The following UBR1 variants were observed in gnomAD, a reference collection of about 807,000 sequenced individuals.
UBR1 encodes the protein E3 ubiquitin-protein ligase UBR1.
A neutral mutation model predicts 242.1 loss-of-function variants in UBR1; 102 were observed. The ratio of observed to expected loss-of-function variants is 0.42; its 90% CI spans 0.36 to 0.50. The LOEUF (loss-of-function observed/expected upper bound fraction) is 0.50. UBR1 is among the 20% of genes least tolerant of loss of function. The probability of loss-of-function intolerance (pLI) is 0.01; values close to 1 mark genes in which losing one functional copy is unlikely to be tolerated. For missense variants in UBR1, 1,772 were observed against 2,101.8 expected, an observed-to-expected ratio of 0.84 and a Z score of 3.07; for synonymous variants, 675 against 684.8, an observed-to-expected ratio of 0.99 and a Z score of 0.22.
chr15:43,054,944 T>C (rs2033598918), intron 11 of UBR1, 45 bp from the exon 12 acceptor site: 2 of 1,597,384 alleles, frequency 1.3e-6, no homozygotes, highest in Non-Finnish European at 1.7e-6. Context: ...TAACTCATTG[T>C]GGTATGGACT....
chr15:43,091,956 C>G, intron 1 of UBR1: 1 of 410,580 alleles, frequency 2.4e-6, no homozygotes, highest in South Asian at 1.7e-5. Context: ...TGCGGTGGCA[C>G]ATACCTGTGG....
chr15:42,967,241 T>A (rs916254887), intron 40 of UBR1, among the ~76,000 whole-genome samples: 2 of 148,980 alleles, frequency 1.3e-5, no homozygotes, highest in African/African-American at 4.9e-5. Flanking sequence ...TTTTTTTTTT[T>A]AAATAGAGAC....
chr15:43,037,207 G>A (rs2033348560), intron 17 of UBR1, among the ~76,000 whole-genome samples: 2 of 151,780 alleles, frequency 1.3e-5, no homozygotes, highest in African/African-American at 4.8e-5. Context: ...AATTAGCCGG[G>A]CATAGTGGTG....
chr15:43,048,289 A>G (rs2141327278), intron 13 of UBR1, 103 bp downstream of exon 13: 1 of 830,016 alleles, frequency 1.2e-6, no homozygotes, highest in East Asian at 2.7e-5. Context: ...ACTTTGCTAG[A>G]TAAATTCTTT....
At chr15:43,048,023 C>T (rs1464373714) in intron 13 of UBR1, among the ~76,000 whole-genome samples, 2 of 151,968 alleles carry the variant, frequency 1.3e-5, no homozygotes, top group Non-Finnish European at 2.9e-5. Context: ...CCCACCTCTA[C>T]TAAAAATACA....
At chr15:42,965,257 T>C (rs2032086716) in intron 41 of UBR1, among the ~76,000 whole-genome samples, 1 of 152,148 alleles carries the variant, frequency 6.6e-6, no homozygotes, top group Admixed American at 6.5e-5. Flanking sequence ...AAAGGAAGAA[T>C]CTCAGCAATT....
intron 40 of UBR1, 100 bp from the exon 41 acceptor site, chr15:42,966,386 G>T: frequency 6.7e-7 from 1 of 1,483,482 alleles, no homozygotes; most frequent in Non-Finnish European, 9.3e-7. Context: ...AAACATTTAG[G>T]TAATTTATTA....
intron 35 of UBR1, among the ~76,000 whole-genome samples, chr15:42,986,393 C>A (rs1157249977): frequency 1.3e-5 from 2 of 152,154 alleles, no homozygotes; most frequent in African/African-American, 4.8e-5. Flanking sequence ...AAAGATTCAG[C>A]TCTATCAGCA....
intron 20 of UBR1, 87 bp from the exon 21 acceptor site, chr15:43,030,155 A>C (rs2033235781): frequency 7.1e-7 from 1 of 1,413,430 alleles, no homozygotes; most frequent in African/African-American, 1.4e-5. Context: ...TACACACAGA[A>C]CACTGCATTA....
chr15:42,987,711 CAAAAAAAAAA>C (rs35169116), intron 35 of UBR1, among the ~76,000 whole-genome samples: 1 of 54,656 alleles, frequency 1.8e-5, no homozygotes, highest in East Asian at 6.1e-4. Flanking sequence ...GACTCTGTCT[CAAAAAAAAAA>C]AAAAAAAAAA....
chr15:42,977,943 A>G lies in UBR1; in HGVS notation c.4155T>C (p.Val1385=). The G allele has an allele frequency of 6.2e-7, 1 of 1,610,912 alleles. No individual in the cohort carries two copies. Among genetic ancestry groups the G allele is most frequent in the Non-Finnish European group, 8.5e-7 (1 of 1,177,334 alleles). The change falls in exon 38 of 47, where the codon GTT becomes GTC. Residue 1385 remains valine, a synonymous_variant. Coordinates refer to ENST00000290650, the MANE Select transcript of UBR1 (RefSeq NM_174916.3). Reference sequence around the variant, plus strand: ...TATCTTCTGATTTTATGTTAGGAAGAACAACTAAAACAAACAAAAAGTTAA... The same window carrying G: ...TATCTTCTGATTTTATGTTAGGAAGGACAACTAAAACAAACAAAAAGTTAA... The part of the protein sequence containing the change: ...QKHLVRLLSV[V]LPNIKSEDTP...
chr15:43,003,932 T>A lies in UBR1; in HGVS notation c.3416-2A>T. On this transcript the variant is annotated splice_acceptor_variant, in intron 30 of 46. Transcript: ENST00000290650. LOFTEE classifies it high-confidence loss of function. ...CCATGAAAAGTGGGTCTAGGGCTTC[T>A]GGTACAAGGTATAAAAAGGAGGGAA... 6.2e-7 allele frequency: 1 copy of A among 1,613,684 alleles called. No homozygotes were observed. The highest frequency in any genetic ancestry group is 8.5e-7 in the Non-Finnish European group (1 of 1,179,636).
chr15:43,002,692 A>G lies in UBR1; in HGVS notation c.3522T>C (p.Ala1174=), dbSNP rs144009592. 4 of 1,614,062 alleles carry G rather than the reference A, an allele frequency of 2.5e-6. No individual in the cohort carries two copies. In the African/African-American group the frequency reaches 5.3e-5, roughly 22 times the overall value. ...HAVCWQKYFE[A]VQLSSQQRIH... ...TGCGCTGCTGAGAGCTCAGCTGTAC[A>G]GCTTCAAAATACCTGCAAAATTACA... Residue 1174 remains alanine (A), a synonymous_variant, in exon 32 of 47, where the codon GCT becomes GCC. Transcript: ENST00000290650.
chr15:43,088,460 T>C (rs954917157), intron 1 of UBR1, among the ~76,000 whole-genome samples: 2 of 152,146 alleles, frequency 1.3e-5, no homozygotes, highest in African/African-American at 4.8e-5. Flanking sequence ...AAAAATTATA[T>C]ATACTTTTAA....
intron 2 of UBR1, among the ~76,000 whole-genome samples, chr15:43,084,512 A>C (rs997105002): frequency 6.6e-6 from 1 of 152,190 alleles, no homozygotes; most frequent in Non-Finnish European, 1.5e-5. Flanking sequence ...GCTGGAGTGC[A>C]GTGGCACAAT....
intron 35 of UBR1, among the ~76,000 whole-genome samples, chr15:42,987,677 C>A (rs1236479009): frequency 1.6e-5 from 2 of 126,966 alleles, no homozygotes; most frequent in African/African-American, 2.9e-5. Flanking sequence ...TGTGCCACTG[C>A]ACTCCAGTCT....
intron 2 of UBR1, among the ~76,000 whole-genome samples, chr15:43,085,573 G>T (rs1225960826): frequency 1.3e-5 from 2 of 149,878 alleles, no homozygotes; most frequent in Non-Finnish European, 3.0e-5. Context: ...TCGTGAAATA[G>T]ATACAAAATA....
intron 21 of UBR1, among the ~76,000 whole-genome samples, chr15:43,029,679 CACACCACCCAGTTTCAG>C (rs2033228155): frequency 6.6e-6 from 1 of 152,172 alleles, no homozygotes; most frequent in South Asian, 2.1e-4. Flanking sequence ...CCCAGATTAA[CACACCACCCAGTTTCAG>C]AAGTTCCCTT....
chr15:43,047,153 T>C lies in UBR1; in HGVS notation c.1668+8A>G. 6.2e-7 allele frequency: 1 copy of C among 1,614,056 alleles called. No individual in the cohort carries two copies. The highest frequency in any genetic ancestry group is 1.1e-5 in the South Asian group (1 of 91,084). On this transcript the variant is annotated splice_region_variant and intron_variant, in intron 14 of 46. Coordinates refer to ENST00000290650, the MANE Select transcript of UBR1 (RefSeq NM_174916.3). Reference sequence around the variant, plus strand: ...AAGGCACTGATCCTACTAACAAATTTTACTTACATCACAAGCACACCACTC... The same window carrying C: ...AAGGCACTGATCCTACTAACAAATTCTACTTACATCACAAGCACACCACTC...
Sources: gnomAD v4.1 joint callset for allele counts (sites outside exome capture counted in the v4.1 genomes callset) on GRCh38, gnomAD v4.1.1 for gene constraint, MANE v1.5 for transcripts, NCBI Gene and HGNC (gene_info 2026-07-23, HGNC 2026-07-21) for gene names.